DNAJC13: variants seen among roughly 807,000 people sequenced by gnomAD.
The protein encoded by DNAJC13 is DnaJ heat shock protein family (Hsp40) member C13.
Under a neutral mutation model 290.5 loss-of-function variants are expected in DNAJC13, and 75 were observed. That is an observed-to-expected ratio of 0.26 (90% confidence interval 0.21 to 0.31). The LOEUF (loss-of-function observed/expected upper bound fraction) is 0.31, where lower values mean the gene tolerates loss of function less well. DNAJC13 is among the 10% of genes least tolerant of loss of function. The pLI, the probability that DNAJC13 is intolerant of heterozygous loss-of-function variation, is 1.00. For missense variants in DNAJC13, 2,260 were observed against 2,674.5 expected (o/e 0.85, Z 3.42); for synonymous variants, 862 against 892.0 (o/e 0.97, Z 0.60).
intron 52 of DNAJC13, 113 bp from the exon 53 acceptor site, chr3:132,526,028 T>G: frequency 7.1e-7 from 1 of 1,415,674 alleles, no homozygotes. Context: ...AATTCATTGT[T>G]AAACTGAAAG....
chr3:132,467,425 G>A (rs1464533064), intron 20 of DNAJC13, 112 bp downstream of exon 20: 3 of 994,528 alleles, frequency 3.0e-6, no homozygotes, highest in Non-Finnish European at 4.4e-6. Flanking sequence ...AATACCTGAA[G>A]CTTAAAAATG....
chr3:132,450,849 T>G lies in DNAJC13; in HGVS notation c.537+2T>G. 6.7e-7 allele frequency: 1 copy of G among 1,501,762 alleles called. No individual in the cohort carries two copies. Among genetic ancestry groups the G allele is most frequent in the Non-Finnish European group, 9.1e-7 (1 of 1,102,518 alleles). 93.0% of individuals were successfully genotyped at this position (1,501,762 alleles called of 1,614,324 possible). A position where few individuals can be genotyped will look rare whatever the true frequency, so the allele number is the denominator to read the frequency against. ...CTTTATGGAGGATTTAGTAGATTGG[T>G]AAGTACTATTTTAAAAAAAAAAAAC... On this transcript the variant is annotated splice_donor_variant, in intron 6 of 55. Coordinates refer to ENST00000260818, the MANE Select transcript of DNAJC13 (RefSeq NM_015268.4). LOFTEE classifies it high-confidence loss of function.
rs367911794 is a variant in DNAJC13, at chr3:132,535,984, C to G, written c.6626-2192C>G. Among the ~76,000 whole-genome samples, 8 of 152,276 alleles carry G rather than the reference C, an allele frequency of 5.3e-5. No individual in the cohort carries two copies. The East Asian group carries it at 1.3e-3, about 26-fold the overall frequency. On this transcript the variant is annotated intron_variant, in intron 55 of 55. Transcript: ENST00000260818. ...TTTCCTAAAGAGGCAAATGATGGTACTAAAATTTGGTTTCTTCCTTCTAAG... is the reference window on the plus strand; with the variant it reads ...TTTCCTAAAGAGGCAAATGATGGTAGTAAAATTTGGTTTCTTCCTTCTAAG...
intron 35 of DNAJC13, among the ~76,000 whole-genome samples, chr3:132,496,114 A>G (rs1230946137): frequency 6.6e-6 from 1 of 152,176 alleles, no homozygotes; most frequent in Non-Finnish European, 1.5e-5. Context: ...AAGTTGCAGC[A>G]TCCTCATGTA....
intron 20 of DNAJC13, among the ~76,000 whole-genome samples, chr3:132,467,731 C>T (rs1289054027): frequency 6.6e-6 from 1 of 152,166 alleles, no homozygotes; most frequent in Non-Finnish European, 1.5e-5. Flanking sequence ...TCCCAAAGTG[C>T]TGGGATTACA....
Position 132,511,165 on chromosome 3 carries a change from G to A in DNAJC13, c.5214G>A (p.Glu1738=). The change falls in exon 44 of 56, where the codon GAG becomes GAA. Residue 1738 remains glutamate (E), a synonymous_variant. Transcript: ENST00000260818. The part of the protein sequence containing the change: ...FMAITHAAKV[E]SEQHGDRLPR... The stretch of plus-strand genomic sequence containing the variant: ...CCATCACACACGCGGCAAAAGTGGA[G>A]TCAGAGCAACATGGAGATCGCTTAC... 1 of 1,613,958 alleles carries A rather than the reference G, an allele frequency of 6.2e-7. No individual in the cohort carries two copies. Among genetic ancestry groups the A allele is most frequent in the Admixed American group, 1.7e-5 (1 of 59,998 alleles).
intron 29 of DNAJC13, 128 bp downstream of exon 29, chr3:132,484,800 G>A (rs978423133): frequency 1.0e-5 from 8 of 803,948 alleles, no homozygotes; most frequent in African/African-American, 3.4e-5. Context: ...CAGGTGTGGA[G>A]TCTCACACCT....
chr3:132,505,979 T>C (rs1935570218), intron 42 of DNAJC13, among the ~76,000 whole-genome samples: 1 of 151,506 alleles, frequency 6.6e-6, no homozygotes, highest in Non-Finnish European at 1.5e-5. Flanking sequence ...TCTAGAACTC[T>C]TTATAGATAA....
chr3:132,430,747 T>A (rs1349095148), intron 1 of DNAJC13, among the ~76,000 whole-genome samples: 1 of 152,156 alleles, frequency 6.6e-6, no homozygotes, highest in Non-Finnish European at 1.5e-5. Context: ...TTTTGGTGAG[T>A]CTTCAGAGAT....
chr3:132,471,220 C>T (rs376230400), intron 20 of DNAJC13, among the ~76,000 whole-genome samples: 22 of 131,054 alleles, frequency 1.7e-4, no homozygotes, highest in East Asian at 7.6e-4. Context: ...ACCTCCCGGA[C>T]GGGGCGGCTG....
At chr3:132,531,305 A>G (rs1936407914) in intron 55 of DNAJC13, among the ~76,000 whole-genome samples, 1 of 152,218 alleles carries the variant, frequency 6.6e-6, no homozygotes, top group Admixed American at 6.5e-5. Flanking sequence ...GGTACTGACT[A>G]AAGCATGTAT....
chr3:132,474,603 G>A (rs1177611643), intron 21 of DNAJC13, among the ~76,000 whole-genome samples: 1 of 144,506 alleles, frequency 6.9e-6, no homozygotes, highest in Non-Finnish European at 1.5e-5. Flanking sequence ...AATATCAGGT[G>A]TTTTTTTTTT....
chr3:132,446,032 A>G (rs895623607), intron 2 of DNAJC13, among the ~76,000 whole-genome samples: 1 of 152,022 alleles, frequency 6.6e-6, no homozygotes, highest in African/African-American at 2.4e-5. Flanking sequence ...ATTCCAGGAT[A>G]TGGCTGTGAC....
At chr3:132,431,519 G>A (rs564502300) in intron 1 of DNAJC13, among the ~76,000 whole-genome samples, 22 of 152,192 alleles carry the variant, frequency 1.4e-4, no homozygotes, top group Non-Finnish European at 2.9e-4. Flanking sequence ...GGGGGTGAGC[G>A]TTCTATGTAT....
At chr3:132,499,570 CT>C (rs1935345822) in intron 37 of DNAJC13, among the ~76,000 whole-genome samples, 163 bp from the exon 38 acceptor site, 1 of 144,982 alleles carries the variant, frequency 6.9e-6, no homozygotes, top group African/African-American at 2.7e-5. Flanking sequence ...TAAAAGGAAA[CT>C]TTTAGGAGTC....
chr3:132,489,088 G>A (rs928689620), intron 31 of DNAJC13, 67 bp downstream of exon 31: 3 of 1,297,476 alleles, frequency 2.3e-6, no homozygotes, highest in Non-Finnish European at 3.3e-6. Flanking sequence ...AAAGTTTCCT[G>A]AGCTGTGTAT....
At chr3:132,455,453 A>G (rs1933566741) in intron 9 of DNAJC13, among the ~76,000 whole-genome samples, 1 of 152,238 alleles carries the variant, frequency 6.6e-6, no homozygotes, top group Non-Finnish European at 1.5e-5. Context: ...GATTAAACAC[A>G]TACTTATATG....
chr3:132,465,147 G>A (rs74341202), intron 17 of DNAJC13, among the ~76,000 whole-genome samples: 5,704 of 152,140 alleles, frequency 0.037, 147 homozygotes, highest in Non-Finnish European at 0.054. Context: ...TTTTAGTGGC[G>A]TTCACTTTCT....
chr3:132,486,082 C>CTTTTTTTTTTTTTTTT (rs758049804), intron 29 of DNAJC13, among the ~76,000 whole-genome samples: 1 of 40,510 alleles, frequency 2.5e-5, no homozygotes, highest in Non-Finnish European at 4.2e-5. Context: ...ATGCCCTATC[C>CTTTTTTTTTTTTTTTT]TTTTTTTTTT....
Sources: allele counts gnomAD v4.1 joint callset (sites outside exome capture counted in the v4.1 genomes callset), GRCh38; gene constraint gnomAD v4.1.1; transcripts MANE v1.5; gene names NCBI Gene and HGNC (gene_info 2026-07-23, HGNC 2026-07-21).